AFF2: variants seen among roughly 807,000 people sequenced by gnomAD.
AFF2 encodes the protein ALF transcription elongation factor 2, also known as AF4/FMR2 family member 2.
In AFF2, 14 loss-of-function variants were observed where a neutral mutation model predicts 76.9. That is an observed-to-expected ratio of 0.18 (90% CI 0.12 to 0.28). The LOEUF (loss-of-function observed/expected upper bound fraction) is 0.28. Ranked by LOEUF, AFF2 falls within the 10% of genes least tolerant of loss-of-function variation. AFF2 has a pLI of 1.00. For synonymous variants in AFF2, 398 were observed against 366.7 expected (o/e 1.09, Z -0.98); for missense variants, 868 against 1,001.1 (o/e 0.87, Z 1.79).
intron 1 of AFF2, among the ~76,000 whole-genome samples, chrX:148,541,050 G>A (rs782635276): frequency 3.3e-4 from 37 of 112,419 alleles, no homozygotes; most frequent in Non-Finnish European, 5.6e-4. Context: ...CTGATTTTAT[G>A]AGGTGACATT....
chrX:148,836,871 T>C (rs1210751917), intron 4 of AFF2, among the ~76,000 whole-genome samples: 1 of 111,909 alleles, frequency 8.9e-6, no homozygotes, highest in East Asian at 2.8e-4. Context: ...TTTTGAGACT[T>C]GAACTCACAG....
chrX:148,888,409 A>G (rs2071185190), intron 8 of AFF2, among the ~76,000 whole-genome samples: 1 of 111,639 alleles, frequency 9.0e-6, no homozygotes, highest in African/African-American at 3.3e-5. Flanking sequence ...TTCTTTATCT[A>G]CTCATCATTT....
At chrX:148,710,967 G>A (rs2054960301) in intron 3 of AFF2, among the ~76,000 whole-genome samples, 1 of 111,378 alleles carries the variant, frequency 9.0e-6, no homozygotes, top group African/African-American at 3.3e-5. Context: ...TTCATATATT[G>A]TTTAATTATT....
chrX:148,667,405 CT>C (rs1346880092), intron 3 of AFF2, among the ~76,000 whole-genome samples: 2 of 112,472 alleles, frequency 1.8e-5, no homozygotes, highest in Non-Finnish European at 3.8e-5. Context: ...AAAGAGACAG[CT>C]GCTTCAATGA....
intron 1 of AFF2, among the ~76,000 whole-genome samples, chrX:148,639,279 A>G (rs1557254326): frequency 8.9e-6 from 1 of 112,169 alleles, no homozygotes; most frequent in Non-Finnish European, 1.9e-5. Context: ...TATGCCCCAT[A>G]TTTATTCATT....
At chrX:148,606,690 A>G (rs1427431689) in intron 1 of AFF2, among the ~76,000 whole-genome samples, 1 of 111,846 alleles carries the variant, frequency 8.9e-6, no homozygotes, top group Non-Finnish European at 1.9e-5. Context: ...ACGATCACTT[A>G]GAACTAAAAC....
At chrX:148,610,934 C>T (rs2053723512) in intron 1 of AFF2, among the ~76,000 whole-genome samples, 1 of 111,868 alleles carries the variant, frequency 8.9e-6, no homozygotes, top group African/African-American at 3.3e-5. Flanking sequence ...GGAAATAAAG[C>T]TAAGGAGGAA....
In AFF2 at chrX:148,834,505, A is replaced by ATGTGTG. The variant is rs61709112; in HGVS notation, c.1087-3104_1087-3099dup. Among the ~76,000 whole-genome samples the ATGTGTG allele has an allele frequency of 2.4e-3, 223 of 91,701 alleles. 1 individual carries two copies. Among genetic ancestry groups the ATGTGTG allele is most frequent in the African/African-American group, 8.5e-3 (210 of 24,591 alleles). The allele number at this position is 91,701 out of a possible 115,157, so 79.6% of individuals were successfully genotyped here. A position where few individuals can be genotyped will look rare whatever the true frequency, so the allele number is the denominator to read the frequency against. On this transcript the variant is annotated intron_variant, in intron 4 of 20. Transcript: ENST00000370460. Reference sequence around the variant, plus strand: ...TTGTGGAAGTTCAGACCAGTCTCAGATGTGTGTGTGTGTGTGTGTGTGTGT... The same window carrying ATGTGTG: ...TTGTGGAAGTTCAGACCAGTCTCAGATGTGTGTGTGTGTGTGTGTGTGTGTGTGTGT...
intron 3 of AFF2, among the ~76,000 whole-genome samples, chrX:148,772,327 A>G (rs185051945): frequency 2.7e-5 from 3 of 111,994 alleles, no homozygotes; most frequent in East Asian, 2.8e-4. Flanking sequence ...CTCATCCTTT[A>G]TGCATCACAG....
chrX:148,763,430 G>C (rs782312576), intron 3 of AFF2, among the ~76,000 whole-genome samples: 19 of 110,639 alleles, frequency 1.7e-4, no homozygotes, highest in African/African-American at 5.2e-4. Context: ...GAAGGAATGG[G>C]AAGAGATTGC....
At chrX:148,982,396 T>C (rs1202004618) in intron 19 of AFF2, among the ~76,000 whole-genome samples, 7 of 111,928 alleles carry the variant, frequency 6.3e-5, no homozygotes, top group African/African-American at 2.3e-4. Context: ...GTCCCTGCAC[T>C]CCAGAAGCAC....
At chrX:148,894,771 A>G (rs1324096315) in intron 8 of AFF2, among the ~76,000 whole-genome samples, 1 of 111,212 alleles carries the variant, frequency 9.0e-6, no homozygotes, top group Admixed American at 9.6e-5. Context: ...CAAAGTAAAG[A>G]AAATCAGTAT....
chrX:148,662,857 A>T (rs1217937446), intron 3 of AFF2, 89 bp downstream of exon 3: 1 of 963,449 alleles, frequency 1.0e-6, no homozygotes, highest in Non-Finnish European at 1.4e-6. Context: ...AGCAGCTCTC[A>T]TTTACCTTAA....
Position 148,996,139 on chromosome X carries a change from G to A in AFF2, c.*4807G>A, listed in dbSNP as rs2072596452. ...ATGGGTAGTCAAATGCACCCCAGAT[G>A]CTCAAGCCCTGTTGTGGTTCTGCAG... On this transcript the variant is annotated 3_prime_UTR_variant, in exon 21 of 21. Transcript: ENST00000370460. The A allele has an allele frequency of 8.9e-6, 1 of 112,559 alleles. No individual in the cohort carries two copies. The highest frequency in any genetic ancestry group is 9.3e-5 in the Admixed American group (1 of 10,710). 9.3% of individuals were successfully genotyped at this position (112,559 alleles called of 1,213,427 possible).
chrX:148,515,720 G>A (rs952478572), intron 1 of AFF2, among the ~76,000 whole-genome samples: 1 of 111,756 alleles, frequency 8.9e-6, no homozygotes, highest in African/African-American at 3.3e-5. Flanking sequence ...CTCAGTTCTC[G>A]TGCAATGTAT....
intron 3 of AFF2, among the ~76,000 whole-genome samples, chrX:148,799,843 T>A (rs1454261261): frequency 1.8e-5 from 2 of 112,037 alleles, no homozygotes; most frequent in Non-Finnish European, 3.8e-5. Flanking sequence ...TGTTTCAATC[T>A]CAGTGTTGTT....
intron 1 of AFF2, among the ~76,000 whole-genome samples, chrX:148,579,728 T>C (rs1024799252): frequency 8.9e-6 from 1 of 111,890 alleles, no homozygotes; most frequent in African/African-American, 3.3e-5. Flanking sequence ...GTAAAAAGTT[T>C]GATGTTTTGT....
Position 148,947,769 on chromosome X carries a change from T to C in AFF2, c.1398-5811T>C, listed in dbSNP as rs1243056595. Reference sequence around the variant, plus strand: ...AGATAAGATCAGCTGCGGATGTTGATTCCTTTGCCTGAAGTTCATCTGATT... The same window carrying C: ...AGATAAGATCAGCTGCGGATGTTGACTCCTTTGCCTGAAGTTCATCTGATT... On this transcript the variant is annotated intron_variant, in intron 9 of 20. Transcript: ENST00000370460. Among the ~76,000 whole-genome samples, 3 of 112,239 alleles carry C rather than the reference T, an allele frequency of 2.7e-5. No homozygotes were observed. In the East Asian group the frequency reaches 8.4e-4, roughly 31 times the overall value.
intron 9 of AFF2, among the ~76,000 whole-genome samples, chrX:148,912,802 G>A (rs2071485707): frequency 9.0e-6 from 1 of 111,194 alleles, no homozygotes; most frequent in African/African-American, 3.3e-5. Flanking sequence ...AAATTTTGGG[G>A]TGGGTCCCAC....
Sources: allele counts gnomAD v4.1 joint callset (sites outside exome capture counted in the v4.1 genomes callset), GRCh38; gene constraint gnomAD v4.1.1; transcripts MANE v1.5; gene names NCBI Gene and HGNC (gene_info 2026-07-23, HGNC 2026-07-21).